Variants in STARD13 observed in about 807,000 individuals in gnomAD.
The protein encoded by STARD13 is StAR related lipid transfer domain containing 13, also known as stAR-related lipid transfer protein 13.
A neutral mutation model predicts 106.4 loss-of-function variants in STARD13; 62 were observed. The observed-to-expected ratio is 0.58, with a 90% confidence interval of 0.48 to 0.72. The LOEUF (loss-of-function observed/expected upper bound fraction) is 0.72. Among genes scored for constraint, STARD13 ranks in the 30% least tolerant of loss-of-function variants. STARD13 has a pLI of 0.00. For synonymous variants in STARD13, 565 were observed against 553.0 expected (o/e 1.02, Z -0.31); for missense variants, 1,387 against 1,424.0 (o/e 0.97, Z 0.42).
At chr13:33,656,923 A>T in the STARD13 span, 2 of 152,240 alleles carry the variant, frequency 1.3e-5, no homozygotes, top group African/African-American at 4.8e-5. Context: ...GAGCTTACAG[A>T]TGGTAGGACA....
chr13:33,170,756 C>T (rs1219504087), intron 1 of STARD13, among the ~76,000 whole-genome samples: 3 of 152,064 alleles, frequency 2.0e-5, no homozygotes, highest in African/African-American at 7.2e-5. Context: ...TTTCATATTC[C>T]CCCACCCTAG....
At chr13:33,152,290 T>C (rs923793860) in intron 3 of STARD13, among the ~76,000 whole-genome samples, 2 of 152,138 alleles carry the variant, frequency 1.3e-5, no homozygotes, top group African/African-American at 4.8e-5. Context: ...GGAATTGAGA[T>C]AGAATGGGAG....
At chr13:33,366,918 A>G in the STARD13 span, among the ~76,000 whole-genome samples, 1 of 152,242 alleles carries the variant, frequency 6.6e-6, no homozygotes, top group African/African-American at 2.4e-5. This position sits in a 1 kb window ranked among gnomAD's most constrained non-coding sequence, Gnocchi z 4.2. Context: ...ATGAACTCTT[A>G]TGAAAGCTAA....
In STARD13 at chr13:33,139,399, C is replaced by T. The variant is rs187981886; in HGVS notation, c.387+2911G>A. Among the ~76,000 whole-genome samples, 33 of 152,330 alleles carry T rather than the reference C, an allele frequency of 2.2e-4. 1 individual carries two copies. The highest frequency in any genetic ancestry group is 7.9e-4 in the African/African-American group (33 of 41,582). ...GGAATAGTGCCTGGTGGGGAGGAAG[C>T]CCTGTGTCAGCTTTTGCTATCCCTA... On this transcript the variant is annotated intron_variant, in intron 4 of 13. Coordinates refer to ENST00000336934, the MANE Select transcript of STARD13 (RefSeq NM_178006.4).
chr13:33,489,723 G>T, the STARD13 span, among the ~76,000 whole-genome samples: 1 of 152,162 alleles, frequency 6.6e-6, no homozygotes, highest in South Asian at 2.1e-4. Context: ...AACAATGGTG[G>T]CTTGCATTTG....
At chr13:33,617,454 T>C in the STARD13 span, among the ~76,000 whole-genome samples, 1 of 152,208 alleles carries the variant, frequency 6.6e-6, no homozygotes, top group African/African-American at 2.4e-5. Context: ...CAGGAAACAT[T>C]ACACTCACAC....
intron 1 of STARD13, among the ~76,000 whole-genome samples, chr13:33,309,134 A>G (rs1423791901): frequency 6.6e-6 from 1 of 152,240 alleles, no homozygotes; most frequent in African/African-American, 2.4e-5. Flanking sequence ...GCATGACACT[A>G]AATTCCAATA....
intron 8 of STARD13, among the ~76,000 whole-genome samples, chr13:33,116,762 C>T (rs918076625): frequency 6.6e-6 from 1 of 152,228 alleles, no homozygotes; most frequent in Admixed American, 6.5e-5. Context: ...GCTCTAGCAA[C>T]TTGTACCATT....
intron 1 of STARD13, among the ~76,000 whole-genome samples, chr13:33,267,501 A>G (rs1278226744): frequency 6.6e-6 from 1 of 152,154 alleles, no homozygotes; most frequent in Non-Finnish European, 1.5e-5. Context: ...GAGCCTGTTT[A>G]AGGTCCGCCC....
At chr13:33,255,816 G>A (rs1594174120) in intron 1 of STARD13, among the ~76,000 whole-genome samples, 1 of 152,124 alleles carries the variant, frequency 6.6e-6, no homozygotes, top group Admixed American at 6.5e-5. Context: ...GAGACCTCCA[G>A]GAGTTCTATC....
chr13:33,355,145 T>C (rs944851882), upstream of STARD13: 3 of 152,188 alleles, frequency 2.0e-5, no homozygotes, highest in Non-Finnish European at 4.4e-5. Flanking sequence ...TGAAAAGATA[T>C]ATATTTTTTT....
At chr13:33,321,455 G>A (rs1365624850) in intron 1 of STARD13, among the ~76,000 whole-genome samples, 2 of 151,274 alleles carry the variant, frequency 1.3e-5, no homozygotes, top group Non-Finnish European at 2.9e-5. Flanking sequence ...GCAGTCAGCT[G>A]AGATCATGCC....
intron 1 of STARD13, among the ~76,000 whole-genome samples, chr13:33,293,977 C>A (rs1010792882): frequency 6.6e-6 from 1 of 152,124 alleles, no homozygotes; most frequent in Non-Finnish European, 1.5e-5. Context: ...CTCTAGAGAA[C>A]CCTGACTAAT....
chr13:33,379,287 C>T, the STARD13 span, among the ~76,000 whole-genome samples: 2 of 152,068 alleles, frequency 1.3e-5, no homozygotes, highest in East Asian at 3.9e-4. Context: ...GTAAAATAGT[C>T]CACATTAAAA....
chr13:33,557,353 C>G, the STARD13 span, among the ~76,000 whole-genome samples: 1 of 152,234 alleles, frequency 6.6e-6, no homozygotes, highest in South Asian at 2.1e-4. Flanking sequence ...AGTATTATTT[C>G]CAAGTAGCAT....
the STARD13 span, among the ~76,000 whole-genome samples, chr13:33,662,435 A>G: frequency 1.3e-5 from 2 of 152,200 alleles, no homozygotes; most frequent in Non-Finnish European, 2.9e-5. Context: ...TGTAATGGAA[A>G]GGCCACCGGA....
chr13:33,133,668 T>G (rs543193), intron 4 of STARD13, among the ~76,000 whole-genome samples: 49,318 of 141,674 alleles, frequency 0.35, 8,734 homozygotes, highest in Non-Finnish European at 0.42. Flanking sequence ...AAAAAAAAAA[T>G]TTATGCTTAA....
intron 1 of STARD13, among the ~76,000 whole-genome samples, chr13:33,341,426 C>G (rs1431125387): frequency 6.6e-6 from 1 of 152,000 alleles, no homozygotes; most frequent in Non-Finnish European, 1.5e-5. Flanking sequence ...ATCACAAGGT[C>G]AGGATATCAA....
At chr13:33,261,615 TGACCCCATAGCC>T (rs1455365643) in intron 1 of STARD13, among the ~76,000 whole-genome samples, 1 of 152,238 alleles carries the variant, frequency 6.6e-6, no homozygotes, top group African/African-American at 2.4e-5. Context: ...ATTTATATGC[TGACCCCATAGCC>T]CAGAATAACC....
Sources: gnomAD v4.1 joint callset for allele counts (sites outside exome capture counted in the v4.1 genomes callset) on GRCh38, gnomAD v4.1.1 for gene constraint, Gnocchi (gnomAD v3.1) non-coding constraint, MANE v1.5 for transcripts, NCBI Gene and HGNC (gene_info 2026-07-23, HGNC 2026-07-21) for gene names.